The following TTLL11 variants were observed in gnomAD, a reference collection of about 807,000 sequenced individuals.
The protein encoded by TTLL11 is tubulin tyrosine ligase like 11, also known as tubulin polyglutamylase TTLL11.
Under a neutral mutation model 51.7 loss-of-function variants are expected in TTLL11, and 42 were observed. The ratio of observed to expected loss-of-function variants is 0.81; its 90% confidence interval spans 0.64 to 1.05. The LOEUF is 1.05. Ranked by LOEUF, TTLL11 falls within the 50% of genes least tolerant of loss-of-function variation. The pLI, the probability that TTLL11 is intolerant of heterozygous loss-of-function variation, is 0.00. For synonymous variants in TTLL11, 381 were observed against 383.5 expected (o/e 0.99, Z 0.08); for missense variants, 799 against 940.4 (o/e 0.85, Z 1.97).
At chr9:122,029,939 T>A (rs1844478271) in intron 3 of TTLL11, among the ~76,000 whole-genome samples, 2 of 152,152 alleles carry the variant, frequency 1.3e-5, no homozygotes. Flanking sequence ...TTACCAATAT[T>A]AAGTCCAGTA....
In TTLL11 at chr9:121,921,342, G is replaced by A. The variant is rs138212279; in HGVS notation, c.1482-50594C>T. On this transcript the variant is annotated intron_variant, in intron 6 of 8. Coordinates refer to ENST00000321582, the MANE Select transcript of TTLL11 (RefSeq NM_001139442.2). Reference sequence around the variant, plus strand: ...CAGAGATACAAGTAATGTCCTGAAGGTGCTTAGATTAAGGAGCAATTAACC... The same window carrying A: ...CAGAGATACAAGTAATGTCCTGAAGATGCTTAGATTAAGGAGCAATTAACC... Among the ~76,000 whole-genome samples the A allele has an allele frequency of 5.3e-5, 8 of 152,300 alleles. No homozygotes were observed. The East Asian group carries it at 1.2e-3, about 22-fold the overall frequency.
At position 121,816,414 on chromosome 9, in the gene TTLL11, C is replaced by T. The variant is rs1836406185; in HGVS notation, c.*6173G>A. The T allele has an allele frequency of 6.6e-6, 1 of 152,212 alleles. No individual in the cohort carries two copies. The highest frequency in any genetic ancestry group is 2.4e-5 in the African/African-American group (1 of 41,446). The allele number at this position is 152,212 out of a possible 1,614,324, so 9.4% of individuals were successfully genotyped here. A position where few individuals can be genotyped will look rare whatever the true frequency, so the allele number is the denominator to read the frequency against. ...GCCTCTTGGTGAGCACAAGACACTACCGCAGGGCTGCAAAGAGCCCTCTCC... is the reference window on the plus strand; with the variant it reads ...GCCTCTTGGTGAGCACAAGACACTATCGCAGGGCTGCAAAGAGCCCTCTCC... On this transcript the variant is annotated 3_prime_UTR_variant, in exon 9 of 9. Coordinates refer to ENST00000321582, the MANE Select transcript of TTLL11 (RefSeq NM_001139442.2).
At chr9:122,028,090 C>A (rs1227844679) in intron 3 of TTLL11, among the ~76,000 whole-genome samples, 2 of 151,966 alleles carry the variant, frequency 1.3e-5, no homozygotes, top group African/African-American at 4.8e-5. Context: ...GCATTGTAAA[C>A]CCTAGATACT....
intron 2 of TTLL11, among the ~76,000 whole-genome samples, chr9:122,035,916 A>G (rs1467894275): frequency 1.3e-5 from 2 of 151,866 alleles, no homozygotes; most frequent in Non-Finnish European, 1.5e-5. Flanking sequence ...CCCTCTAACC[A>G]TGGTAGGCCA....
intron 7 of TTLL11, 69 bp downstream of exon 7, chr9:121,870,428 G>T: frequency 6.7e-7 from 1 of 1,496,978 alleles, no homozygotes. Context: ...AGGGAGACCC[G>T]CCAGCCAGAT....
At chr9:121,855,935 C>A (rs1251353074) in intron 8 of TTLL11, among the ~76,000 whole-genome samples, 2 of 152,156 alleles carry the variant, frequency 1.3e-5, no homozygotes, top group African/African-American at 4.8e-5. Flanking sequence ...TGCTTCCCCC[C>A]ATGATAGCTC....
At chr9:121,829,628 A>G (rs1836932790) in intron 8 of TTLL11, among the ~76,000 whole-genome samples, 2 of 152,186 alleles carry the variant, frequency 1.3e-5, no homozygotes, top group African/African-American at 4.8e-5. Flanking sequence ...AACAATGTAT[A>G]CAATGGTATT....
At chr9:122,031,587 C>T in intron 3 of TTLL11, 136 bp downstream of exon 3, 1 of 1,000,620 alleles carries the variant, frequency 1.0e-6, no homozygotes, top group Non-Finnish European at 1.4e-6. Context: ...CTGCCAACAC[C>T]TACTGTGTAC....
chr9:122,089,016 CA>C lies in TTLL11; in HGVS notation c.462+3670del, dbSNP rs11432235. On this transcript the variant is annotated intron_variant, in intron 1 of 8. Coordinates refer to ENST00000321582, the MANE Select transcript of TTLL11 (RefSeq NM_001139442.2). ...TGGATGACAGAACGACACCCTGTCT[CA>C]AAAAAAAAAAAAAAAAAAGTGAAAA... Among the ~76,000 whole-genome samples, 570 of 91,946 alleles carry C rather than the reference CA, an allele frequency of 6.2e-3. 2 individuals carry two copies. The highest frequency in any genetic ancestry group is 0.043 in the South Asian group (106 of 2,462). The allele number at this position is 91,946 out of a possible 152,430, so 60.3% of individuals were successfully genotyped here.
chr9:121,975,121 G>A, intron 4 of TTLL11, 142 bp from the exon 5 acceptor site: 1 of 574,986 alleles, frequency 1.7e-6, no homozygotes, highest in Non-Finnish European at 2.9e-6. Flanking sequence ...TCTTCCTCTG[G>A]GGGTACTTGT....
chr9:121,881,888 G>T (rs1210186486), intron 6 of TTLL11, among the ~76,000 whole-genome samples: 1 of 152,160 alleles, frequency 6.6e-6, no homozygotes, highest in Non-Finnish European at 1.5e-5. Context: ...GAGATATTAA[G>T]ATGCACCTCC....
intron 6 of TTLL11, among the ~76,000 whole-genome samples, chr9:121,969,618 T>C (rs1212030580): frequency 6.6e-6 from 1 of 152,166 alleles, no homozygotes; most frequent in Admixed American, 6.5e-5. Context: ...AAATAACTAA[T>C]GATGGACAGA....
At chr9:121,901,186 T>A (rs886389373) in intron 6 of TTLL11, among the ~76,000 whole-genome samples, 2 of 152,248 alleles carry the variant, frequency 1.3e-5, no homozygotes, top group East Asian at 3.8e-4. Flanking sequence ...GTATACTGAT[T>A]TAGTATCCTG....
At chr9:121,838,914 G>A (rs1588060036) in intron 8 of TTLL11, among the ~76,000 whole-genome samples, 1 of 152,012 alleles carries the variant, frequency 6.6e-6, no homozygotes, top group Non-Finnish European at 1.5e-5. Context: ...CCTGCTCTGA[G>A]GGATCGAGCC....
At chr9:121,912,515 C>T (rs773763381) in intron 6 of TTLL11, among the ~76,000 whole-genome samples, 2 of 152,056 alleles carry the variant, frequency 1.3e-5, no homozygotes, top group South Asian at 2.1e-4. Flanking sequence ...ATGCAGGCGT[C>T]GTGTGTCACC....
chr9:121,904,188 T>C (rs1318099407), intron 6 of TTLL11, among the ~76,000 whole-genome samples: 1 of 152,050 alleles, frequency 6.6e-6, no homozygotes, highest in Non-Finnish European at 1.5e-5. Context: ...TCTTTTTTTT[T>C]TTTTTTTGAG....
chr9:121,917,954 C>T (rs1840398434), intron 6 of TTLL11, among the ~76,000 whole-genome samples: 1 of 151,346 alleles, frequency 6.6e-6, no homozygotes, highest in Non-Finnish European at 1.5e-5. Context: ...CCCTAAATAA[C>T]TATAAAAAGT....
intron 8 of TTLL11, among the ~76,000 whole-genome samples, chr9:121,849,635 G>A (rs1274650260): frequency 1.3e-5 from 2 of 152,142 alleles, no homozygotes; most frequent in African/African-American, 4.8e-5. Flanking sequence ...TGACAAATAA[G>A]CGTATGTAAA....
In TTLL11 at chr9:122,056,389, C is replaced by T. The variant is rs1845292160; in HGVS notation, c.463-17021G>A. 2.0e-5 allele frequency among the ~76,000 whole-genome samples: 3 copies of T among 152,188 alleles called. No individual in the cohort carries two copies. In the South Asian group the frequency reaches 6.2e-4, roughly 31 times the overall value. On this transcript the variant is annotated intron_variant, in intron 1 of 8. Coordinates refer to ENST00000321582, the MANE Select transcript of TTLL11 (RefSeq NM_001139442.2). Reference sequence around the variant, plus strand: ...ATATTACACGTGCTATCTCAATTCACTCTCACAACAACACTATGAAATAGG... The same window carrying T: ...ATATTACACGTGCTATCTCAATTCATTCTCACAACAACACTATGAAATAGG...
Sources: gnomAD v4.1 joint callset for allele counts (sites outside exome capture counted in the v4.1 genomes callset) on GRCh38, gnomAD v4.1.1 for gene constraint, MANE v1.5 for transcripts, NCBI Gene and HGNC (gene_info 2026-07-23, HGNC 2026-07-21) for gene names.